Variants in LRP1B observed in about 807,000 individuals in gnomAD.
LRP1B encodes LDL receptor related protein 1B.
LRP1B carries 217 observed loss-of-function variants against 556.6 expected under a neutral mutation model. The ratio of observed to expected loss-of-function variants is 0.39; its 90% confidence interval spans 0.35 to 0.44. The LOEUF is 0.44. Ranked by LOEUF, LRP1B falls within the 20% of genes least tolerant of loss-of-function variation. The probability of loss-of-function intolerance (pLI) is 1.00; values close to 1 mark genes in which losing one functional copy is unlikely to be tolerated. For synonymous variants in LRP1B, 2,047 were observed against 1,865.8 expected (o/e 1.10, Z -2.50); for missense variants, 5,053 against 5,620.8 (o/e 0.90, Z 3.23).
intron 3 of LRP1B, among the ~76,000 whole-genome samples, chr2:141,288,522 G>C (rs992368146): frequency 6.6e-6 from 1 of 151,880 alleles, no homozygotes; most frequent in African/African-American, 2.4e-5. Context: ...TAATATTATA[G>C]ATCAAGATAC....
At chr2:141,731,343 A>G (rs560688207) in intron 2 of LRP1B, among the ~76,000 whole-genome samples, 14 of 152,158 alleles carry the variant, frequency 9.2e-5, no homozygotes, top group African/African-American at 3.1e-4. Context: ...GGGTAAGGAT[A>G]AGGGTTACAG....
intron 1 of LRP1B, among the ~76,000 whole-genome samples, chr2:141,993,501 G>T (rs1044409400): frequency 2.0e-5 from 3 of 152,108 alleles, no homozygotes; most frequent in Non-Finnish European, 4.4e-5. Flanking sequence ...ACTCGGAAAA[G>T]AAATCTGGGA....
At chr2:141,220,179 T>G (rs1377745060) in intron 6 of LRP1B, among the ~76,000 whole-genome samples, 1 of 152,050 alleles carries the variant, frequency 6.6e-6, no homozygotes, top group African/African-American at 2.4e-5. Flanking sequence ...AGAACCATGA[T>G]AAAACATTAC....
chr2:140,278,279 C>T (rs1327296490), intron 84 of LRP1B, among the ~76,000 whole-genome samples: 2 of 152,030 alleles, frequency 1.3e-5, no homozygotes, highest in East Asian at 1.9e-4. Context: ...TTCTTGAATG[C>T]TGGTTTAAAC....
At chr2:141,095,821 T>C (rs1330125944) in intron 7 of LRP1B, among the ~76,000 whole-genome samples, 1 of 152,020 alleles carries the variant, frequency 6.6e-6, no homozygotes, top group Non-Finnish European at 1.5e-5. Flanking sequence ...TGTCTGCGTA[T>C]TGGTTCCCTC....
intron 1 of LRP1B, among the ~76,000 whole-genome samples, chr2:142,121,239 T>G (rs746541731): frequency 6.6e-6 from 1 of 152,176 alleles, no homozygotes; most frequent in Non-Finnish European, 1.5e-5. Flanking sequence ...CTGAACTGGA[T>G]TCATCATTTC....
At chr2:140,315,158 A>C (rs1684467747) in intron 82 of LRP1B, 59 bp from the exon 83 acceptor site, 1 of 1,173,634 alleles carries the variant, frequency 8.5e-7, no homozygotes, top group African/African-American at 1.6e-5. Flanking sequence ...TTAATAAAAT[A>C]ATTCAAATAG....
intron 66 of LRP1B, among the ~76,000 whole-genome samples, chr2:140,434,941 T>C (rs1686108886): frequency 6.6e-6 from 1 of 152,262 alleles, no homozygotes; most frequent in Middle Eastern, 3.4e-3. Flanking sequence ...AAATATATTT[T>C]CTATATATGA....
At chr2:140,943,832 A>G (rs954012307) in intron 20 of LRP1B, among the ~76,000 whole-genome samples, 1 of 152,092 alleles carries the variant, frequency 6.6e-6, no homozygotes, top group East Asian at 1.9e-4. Context: ...AAGATCTCAA[A>G]TTAACAATCT....
chr2:141,183,440 T>C (rs964261145), intron 7 of LRP1B, among the ~76,000 whole-genome samples: 1 of 149,908 alleles, frequency 6.7e-6, no homozygotes, highest in Non-Finnish European at 1.5e-5. Flanking sequence ...CTTCAACAGG[T>C]GGGTGATGGG....
At chr2:141,985,399 C>T (rs988515136) in intron 1 of LRP1B, among the ~76,000 whole-genome samples, 25 of 152,122 alleles carry the variant, frequency 1.6e-4, no homozygotes, top group East Asian at 9.7e-4. Flanking sequence ...TTTTATATTT[C>T]GGTTTAGCAA....
chr2:141,115,462 T>TTTG (rs1553461954), intron 7 of LRP1B, among the ~76,000 whole-genome samples: 6 of 145,882 alleles, frequency 4.1e-5, no homozygotes, highest in African/African-American at 7.7e-5. Context: ...GTTTTTGTTT[T>TTTG]TTTTTTTTTT....
chr2:141,878,771 T>A (rs1339620945), intron 1 of LRP1B, among the ~76,000 whole-genome samples: 1 of 152,034 alleles, frequency 6.6e-6, no homozygotes, highest in East Asian at 1.9e-4. Context: ...CAATTACATT[T>A]ATCCATATGA....
chr2:141,697,574 G>T (rs1691774359), intron 2 of LRP1B, among the ~76,000 whole-genome samples: 1 of 151,924 alleles, frequency 6.6e-6, no homozygotes, highest in South Asian at 2.1e-4. Context: ...AATCAATTAG[G>T]ATGTTTTCCA....
intron 83 of LRP1B, among the ~76,000 whole-genome samples, chr2:140,307,917 G>A (rs968704213): frequency 2.6e-5 from 4 of 151,604 alleles, no homozygotes; most frequent in African/African-American, 9.7e-5. Flanking sequence ...ACATATCTAA[G>A]GACTTTAGCA....
chr2:142,044,403 C>A (rs554838036), intron 1 of LRP1B, among the ~76,000 whole-genome samples: 1 of 151,630 alleles, frequency 6.6e-6, no homozygotes, highest in African/African-American at 2.4e-5. Flanking sequence ...ACCAATCCAC[C>A]GATATAAATC....
intron 11 of LRP1B, among the ~76,000 whole-genome samples, chr2:141,039,249 T>C (rs1383123679): frequency 6.6e-6 from 1 of 152,224 alleles, no homozygotes; most frequent in African/African-American, 2.4e-5. Context: ...GTGAGTACAG[T>C]ACAGTAAGGT....
intron 34 of LRP1B, among the ~76,000 whole-genome samples, chr2:140,770,149 G>T (rs1244548650): frequency 6.6e-6 from 1 of 151,774 alleles, no homozygotes; most frequent in Non-Finnish European, 1.5e-5. Context: ...CTTAAATGGG[G>T]ATAATAAGAG....
chr2:141,146,296 A>T (rs1412660403), intron 7 of LRP1B, among the ~76,000 whole-genome samples: 1 of 152,172 alleles, frequency 6.6e-6, no homozygotes, highest in Non-Finnish European at 1.5e-5. Flanking sequence ...CTTCCTTGGC[A>T]GTATTCAAAG....
Sources: allele counts gnomAD v4.1 joint callset (sites outside exome capture counted in the v4.1 genomes callset), GRCh38; gene constraint gnomAD v4.1.1; transcripts MANE v1.5; gene names NCBI Gene and HGNC (gene_info 2026-07-23, HGNC 2026-07-21).